The following MEMO1 variants were observed in gnomAD, a reference collection of about 807,000 sequenced individuals.
MEMO1 encodes the protein protein MEMO1.
Under a neutral mutation model 45.2 loss-of-function variants are expected in MEMO1, and 6 were observed. That is an observed-to-expected ratio of 0.13 (90% confidence interval 0.07 to 0.26). The LOEUF (loss-of-function observed/expected upper bound fraction) is 0.26, where lower values mean the gene tolerates loss of function less well. MEMO1 is among the 10% of genes least tolerant of loss of function. The probability of loss-of-function intolerance (pLI) is 1.00; values close to 1 mark genes in which losing one functional copy is unlikely to be tolerated. For missense variants in MEMO1, 184 were observed against 370.5 expected (o/e 0.50, Z 4.13); for synonymous variants, 78 against 124.3 (o/e 0.63, Z 2.48).
At chr2:31,952,525 A>C (rs940752677) in intron 2 of MEMO1, among the ~76,000 whole-genome samples, 2 of 152,184 alleles carry the variant, frequency 1.3e-5, no homozygotes, top group Non-Finnish European at 2.9e-5. Context: ...CAAACACCTC[A>C]TCTGAAAATG....
chr2:31,939,668 T>C (rs546221722), intron 3 of MEMO1, among the ~76,000 whole-genome samples: 7 of 152,296 alleles, frequency 4.6e-5, no homozygotes, highest in East Asian at 3.9e-4. Context: ...TATTAATCCA[T>C]TGTTTCTCAC....
chr2:31,943,860 G>A (rs764065319), intron 2 of MEMO1, among the ~76,000 whole-genome samples: 3 of 151,922 alleles, frequency 2.0e-5, no homozygotes, highest in Non-Finnish European at 4.4e-5. Context: ...ATGAAATATC[G>A]ATAACCAGTA....
chr2:32,010,645 ACCCCACCCCCGTGACTCCGCGCCCGC>A (rs1674789886), intron 1 of MEMO1: 1 of 123,894 alleles, frequency 8.1e-6, no homozygotes, highest in African/African-American at 3.0e-5. Context: ...ACCGCGAGTG[ACCCCACCCCCGTGACTCCGCGCCCGC>A]CCCCGCCCCC....
chr2:31,990,572 T>C (rs78027784), intron 2 of MEMO1, among the ~76,000 whole-genome samples: 2 of 114,180 alleles, frequency 1.8e-5, no homozygotes, highest in Non-Finnish European at 4.0e-5. Flanking sequence ...ATTTTTTTTC[T>C]TTTTTTTTTT....
At chr2:31,951,521 T>G (rs1204159298) in intron 2 of MEMO1, among the ~76,000 whole-genome samples, 1 of 151,844 alleles carries the variant, frequency 6.6e-6, no homozygotes, top group Non-Finnish European at 1.5e-5. Flanking sequence ...TTAATGGTTT[T>G]TTTTTTTTTT....
chr2:31,917,197 A>T (rs1273534834), intron 6 of MEMO1, among the ~76,000 whole-genome samples: 1 of 152,232 alleles, frequency 6.6e-6, no homozygotes, highest in Non-Finnish European at 1.5e-5. Flanking sequence ...GAACTGCCAA[A>T]CTAAATATGA....
intron 2 of MEMO1, among the ~76,000 whole-genome samples, chr2:31,955,225 G>C (rs1489818207): frequency 2.0e-5 from 3 of 148,910 alleles, no homozygotes; most frequent in Non-Finnish European, 3.0e-5. Context: ...ACAAACAAAC[G>C]TGAGGCCCAC....
intron 6 of MEMO1, among the ~76,000 whole-genome samples, chr2:31,909,061 A>G (rs962555318): frequency 1.4e-4 from 22 of 152,202 alleles, no homozygotes; most frequent in Admixed American, 1.2e-3. Flanking sequence ...CAGGACTTGG[A>G]CCTCATCTAA....
intron 2 of MEMO1, among the ~76,000 whole-genome samples, chr2:31,969,777 C>CTT (rs35837397): frequency 9.8e-5 from 14 of 143,558 alleles, no homozygotes; most frequent in African/African-American, 3.6e-4. Flanking sequence ...ACCCAACTAA[C>CTT]TTTTTTTTTT....
intron 4 of MEMO1, among the ~76,000 whole-genome samples, chr2:31,925,475 C>CAAAAAAAAAAAAAAAAAAAAA (rs70964741): frequency 2.5e-5 from 2 of 79,236 alleles, no homozygotes; most frequent in African/African-American, 1.4e-4. Flanking sequence ...GACTCCGTCT[C>CAAAAAAAAAAAAAAAAAAAAA]AAAAAAAAAA....
chr2:31,989,239 A>G (rs999234912), intron 2 of MEMO1, among the ~76,000 whole-genome samples: 2 of 151,984 alleles, frequency 1.3e-5, no homozygotes, highest in Non-Finnish European at 2.9e-5. Context: ...AAAAAAAAAA[A>G]AAAAGAAAGA....
At chr2:31,960,591 CTATT>C (rs915789193) in intron 2 of MEMO1, among the ~76,000 whole-genome samples, 4 of 152,060 alleles carry the variant, frequency 2.6e-5, no homozygotes, top group Non-Finnish European at 4.4e-5. Context: ...AAAATCTTCT[CTATT>C]TATTTATTTA....
chr2:31,918,718 G>C (rs778747955), intron 5 of MEMO1, among the ~76,000 whole-genome samples: 3 of 151,962 alleles, frequency 2.0e-5, no homozygotes, highest in Non-Finnish European at 2.9e-5. Flanking sequence ...GAATATTGTG[G>C]AACAAGAAAA....
At chr2:31,912,994 T>C (rs1234258675) in intron 6 of MEMO1, among the ~76,000 whole-genome samples, 1 of 152,080 alleles carries the variant, frequency 6.6e-6, no homozygotes, top group Non-Finnish European at 1.5e-5. Flanking sequence ...ATTAAAAACA[T>C]GCAGCCAGGC....
At chr2:31,930,803 G>A (rs909395177) in intron 4 of MEMO1, among the ~76,000 whole-genome samples, 2 of 142,798 alleles carry the variant, frequency 1.4e-5, no homozygotes. Flanking sequence ...GTGCCACCAC[G>A]CCTGGCAATT....
chr2:31,891,886 T>G, intron 7 of MEMO1, 106 bp downstream of exon 7: 1 of 1,211,100 alleles, frequency 8.3e-7, no homozygotes, highest in Non-Finnish European at 1.2e-6. Flanking sequence ...AGTAAAACTT[T>G]CCAAGGAAAG....
intron 2 of MEMO1, among the ~76,000 whole-genome samples, chr2:31,946,175 C>T (rs1385190241): frequency 6.6e-6 from 1 of 152,180 alleles, no homozygotes; most frequent in East Asian, 1.9e-4. Context: ...CATTCCCCTA[C>T]GTCGTTCCCA....
chr2:31,988,407 C>A (rs575308367), intron 2 of MEMO1, among the ~76,000 whole-genome samples: 1 of 151,982 alleles, frequency 6.6e-6, no homozygotes, highest in Non-Finnish European at 1.5e-5. Flanking sequence ...ATTAGCTGGG[C>A]GTGGTGGCAC....
intron 2 of MEMO1, among the ~76,000 whole-genome samples, chr2:32,009,283 G>A (rs1674497991): frequency 6.6e-6 from 1 of 152,066 alleles, no homozygotes; most frequent in Non-Finnish European, 1.5e-5. Flanking sequence ...GCGACTGCTC[G>A]GGAAAAGTGC....
Sources: gnomAD v4.1 joint callset for allele counts (sites outside exome capture counted in the v4.1 genomes callset) on GRCh38, gnomAD v4.1.1 for gene constraint, MANE v1.5 for transcripts, NCBI Gene and HGNC (gene_info 2026-07-23, HGNC 2026-07-21) for gene names.